Variants in WDR33 observed in about 807,000 individuals in gnomAD.
The protein encoded by WDR33 is pre-mRNA 3' end processing protein WDR33.
In WDR33, 47 loss-of-function variants were observed where a neutral mutation model predicts 164.9. That is an observed-to-expected ratio of 0.29 (90% CI 0.23 to 0.36). The LOEUF is 0.36. Ranked by LOEUF, WDR33 falls within the 10% of genes least tolerant of loss-of-function variation. The probability of loss-of-function intolerance (pLI) is 1.00; values close to 1 mark genes in which losing one functional copy is unlikely to be tolerated. For synonymous variants in WDR33, 505 were observed against 589.0 expected (o/e 0.86, Z 2.06); for missense variants, 1,137 against 1,754.1 (o/e 0.65, Z 6.28).
chr2:127,734,319 C>T (rs921197791), intron 7 of WDR33, among the ~76,000 whole-genome samples: 2 of 152,110 alleles, frequency 1.3e-5, no homozygotes, highest in Admixed American at 1.3e-4. Flanking sequence ...TGCATCATTC[C>T]TTAGCTAGCT....
chr2:127,737,689 C>T (rs1268220627), intron 7 of WDR33: 1 of 1,074,052 alleles, frequency 9.3e-7, no homozygotes, highest in Admixed American at 5.5e-5. Context: ...AAACGCAGAA[C>T]CAAGAAGGAA....
Position 127,701,820 on chromosome 2 carries a change from G to A in WDR33, c.*4503C>T, listed in dbSNP as rs867853117. Reference sequence around the variant, plus strand: ...GTGTTTCGGCCTAGCCGCGCTCTACGCACCGGTGTTGCTGCTGCGCGCGCG... The same window carrying A: ...GTGTTTCGGCCTAGCCGCGCTCTACACACCGGTGTTGCTGCTGCGCGCGCG... On this transcript the variant is annotated 3_prime_UTR_variant, in exon 22 of 22. Transcript: ENST00000322313. 5 of 1,457,352 alleles carry A rather than the reference G, an allele frequency of 3.4e-6. No individual in the cohort carries two copies. The highest frequency in any genetic ancestry group is 2.6e-5 in the South Asian group (2 of 77,538). The allele number at this position is 1,457,352 out of a possible 1,614,324, so 90.3% of individuals were successfully genotyped here. A position where few individuals can be genotyped will look rare whatever the true frequency, so the allele number is the denominator to read the frequency against.
At chr2:127,727,531 G>C (rs569803116) in intron 7 of WDR33, among the ~76,000 whole-genome samples, 3 of 152,126 alleles carry the variant, frequency 2.0e-5, no homozygotes, top group African/African-American at 7.2e-5. Flanking sequence ...CCCAAAGCCA[G>C]TCAGCAAGAA....
Position 127,738,826 on chromosome 2 carries a change from C to A in WDR33, c.725-12049G>T, listed in dbSNP as rs544903229. Among the ~76,000 whole-genome samples, 2 of 152,132 alleles carry A rather than the reference C, an allele frequency of 1.3e-5. No individual in the cohort carries two copies. The highest frequency in any genetic ancestry group is 2.9e-5 in the Non-Finnish European group (2 of 68,018). On this transcript the variant is annotated intron_variant, in intron 7 of 21. Transcript: ENST00000322313. This position sits in a 1 kb window ranked among gnomAD's most constrained non-coding sequence, Gnocchi z 4.4. ...CTATGGGTTAGTCCTGCCCCGCAAG[C>A]AGTCACTCTGTAAATAATTTTCTTG...
chr2:127,708,528 C>T lies in WDR33; in HGVS notation c.3781+149G>A. ...CTGTGCAGGGCTGAGTTGCAGTCCA[C>T]CAGATGACAGCTCGTGTGGCACTGG... is the stretch of plus-strand genomic sequence containing the variant. On this transcript the variant is annotated intron_variant, in intron 21 of 21. Transcript: ENST00000322313. The surrounding 1 kb of genome is among the most constrained non-coding windows in gnomAD (Gnocchi z 6.7). The T allele has an allele frequency of 1.1e-6, 1 of 871,550 alleles. No individual in the cohort carries two copies. Among genetic ancestry groups the T allele is most frequent in the South Asian group, 1.9e-5 (1 of 51,286 alleles). The allele number at this position is 871,550 out of a possible 1,614,324, so 54.0% of individuals were successfully genotyped here.
chr2:127,781,040 C>T (rs1239088651), intron 1 of WDR33, among the ~76,000 whole-genome samples: 1 of 151,866 alleles, frequency 6.6e-6, no homozygotes, highest in Non-Finnish European at 1.5e-5. Flanking sequence ...TTTTTCGTAT[C>T]TCTAATAGAG....
chr2:127,766,162 A>C (rs1471884846), intron 4 of WDR33, among the ~76,000 whole-genome samples: 1 of 151,776 alleles, frequency 6.6e-6, no homozygotes, highest in Non-Finnish European at 1.5e-5. Flanking sequence ...TTTTGTTTTT[A>C]CTTTTTATTT....
At chr2:127,792,681 G>GA (rs886588972) in intron 1 of WDR33, among the ~76,000 whole-genome samples, 40 of 139,496 alleles carry the variant, frequency 2.9e-4, no homozygotes, top group African/African-American at 5.8e-4. Flanking sequence ...GTCTCAAAAA[G>GA]AAAAAAAAAA....
intron 7 of WDR33, among the ~76,000 whole-genome samples, chr2:127,752,857 CATT>C (rs1687413364): frequency 6.6e-6 from 1 of 152,346 alleles, no homozygotes; most frequent in South Asian, 2.1e-4. Flanking sequence ...AGCGTGTCAT[CATT>C]AATTATCTGA....
At chr2:127,739,494 T>G (rs947876471) in intron 7 of WDR33, among the ~76,000 whole-genome samples, 1 of 152,234 alleles carries the variant, frequency 6.6e-6, no homozygotes, top group Admixed American at 6.5e-5. Context: ...TAATGGCTAA[T>G]AGTAAAAAAT....
chr2:127,763,283 G>T lies in WDR33; in HGVS notation c.627-124C>A. 1 of 1,509,398 alleles carries T rather than the reference G, an allele frequency of 6.6e-7. No homozygotes were observed. 93.5% of individuals were successfully genotyped at this position (1,509,398 alleles called of 1,614,324 possible). ...TAAACAGGAGAGGGAAGAATCCAGT[G>T]AAGAAGCCCTTAAAGTGAATGTCGT... On this transcript the variant is annotated intron_variant, in intron 6 of 21. Transcript: ENST00000322313. This position sits in a 1 kb window ranked among gnomAD's most constrained non-coding sequence, Gnocchi z 4.5.
Position 127,701,798 on chromosome 2 carries a change from T to TG in WDR33, c.*4524_*4525insC. 6.9e-7 allele frequency: 1 copy of TG among 1,454,318 alleles called. No homozygotes were observed. The highest frequency in any genetic ancestry group is 1.3e-5 in the South Asian group (1 of 77,258). The allele number at this position is 1,454,318 out of a possible 1,614,324, so 90.1% of individuals were successfully genotyped here. ...GGTGCCTGCTGCTGGCTGCACTGTG[T>TG]TTCGGCCTAGCCGCGCTCTACGCAC... On this transcript the variant is annotated 3_prime_UTR_variant, in exon 22 of 22. Coordinates refer to ENST00000322313, the MANE Select transcript of WDR33 (RefSeq NM_018383.5).
At chr2:127,737,611 T>C in intron 7 of WDR33, 1 of 1,005,578 alleles carries the variant, frequency 9.9e-7, no homozygotes, top group Non-Finnish European at 1.2e-6. Context: ...AATAGATGTA[T>C]TAGTGCCAGC....
At chr2:127,748,312 T>C (rs2105411134) in intron 7 of WDR33, among the ~76,000 whole-genome samples, 1 of 152,354 alleles carries the variant, frequency 6.6e-6, no homozygotes, top group East Asian at 1.9e-4. Flanking sequence ...AAATCCAACC[T>C]GCTCTATGAC....
At chr2:127,737,349 G>A in intron 7 of WDR33, 2 of 985,384 alleles carry the variant, frequency 2.0e-6, no homozygotes, top group Non-Finnish European at 2.4e-6. Context: ...GTACTCTGAG[G>A]TGTGTGTGTA....
chr2:127,703,937 G>A lies in WDR33; in HGVS notation c.*2386C>T, dbSNP rs1685953077. ...GTTCAAGACCAGCCTGGGCAACACA[G>A]TTAAACCCCATCGCCACAGAAAATC... On this transcript the variant is annotated 3_prime_UTR_variant, in exon 22 of 22. Transcript: ENST00000322313. 6.0e-6 allele frequency: 1 copy of A among 166,774 alleles called. No homozygotes were observed. Among genetic ancestry groups the A allele is most frequent in the Non-Finnish European group, 1.5e-5 (1 of 68,118 alleles). 10.3% of individuals were successfully genotyped at this position (166,774 alleles called of 1,614,324 possible). A position where few individuals can be genotyped will look rare whatever the true frequency, so the allele number is the denominator to read the frequency against.
chr2:127,762,690 T>C lies in WDR33; in HGVS notation c.724+372A>G, dbSNP rs116048784. ...CTATCTTGTCGGTTAATTCATATTG[T>C]AAAAGGACTGCCAGGAGAATGACGG... is the stretch of plus-strand genomic sequence containing the variant. On this transcript the variant is annotated intron_variant, in intron 7 of 21. Coordinates refer to ENST00000322313, the MANE Select transcript of WDR33 (RefSeq NM_018383.5). 2.7e-3 allele frequency: 2,785 copies of C among 1,020,606 alleles called. 67 individuals carry two copies. The African/African-American group carries it at 0.046, about 17-fold the overall frequency. The allele number at this position is 1,020,606 out of a possible 1,614,324, so 63.2% of individuals were successfully genotyped here. A position where few individuals can be genotyped will look rare whatever the true frequency, so the allele number is the denominator to read the frequency against.
In WDR33 at chr2:127,741,523, C is replaced by A. The variant is rs1687014458; in HGVS notation, c.725-14746G>T. 6.6e-6 allele frequency among the ~76,000 whole-genome samples: 1 copy of A among 152,200 alleles called. No homozygotes were observed. The highest frequency in any genetic ancestry group is 1.5e-5 in the Non-Finnish European group (1 of 68,038). On this transcript the variant is annotated intron_variant, in intron 7 of 21. Transcript: ENST00000322313. This position sits in a 1 kb window ranked among gnomAD's most constrained non-coding sequence, Gnocchi z 4.1. ...ACACATGTACAAGCACACACACAGA[C>A]ACACGAATCCACAGTGAGATCTTCC...
chr2:127,760,174 G>C (rs1316272526), intron 7 of WDR33, among the ~76,000 whole-genome samples: 3 of 152,220 alleles, frequency 2.0e-5, no homozygotes, highest in Admixed American at 2.0e-4. Context: ...TCTGTGAGTA[G>C]AAGGCTAGTT....
Sources: allele counts gnomAD v4.1 joint callset (sites outside exome capture counted in the v4.1 genomes callset), GRCh38; gene constraint gnomAD v4.1.1; non-coding constraint Gnocchi (gnomAD v3.1); transcripts MANE v1.5; gene names NCBI Gene and HGNC (gene_info 2026-07-23, HGNC 2026-07-21).